SESN2: variants seen among roughly 807,000 people sequenced by gnomAD.
SESN2 encodes sestrin-2.
In SESN2, 42 loss-of-function variants were observed where a neutral mutation model predicts 56.0. The observed-to-expected ratio is 0.75, with a 90% CI of 0.59 to 0.97. The LOEUF is 0.97. Among genes scored for constraint, SESN2 ranks in the 50% least tolerant of loss-of-function variants. The pLI is 0.00. For synonymous variants in SESN2, 264 were observed against 267.1 expected (o/e 0.99, Z 0.11); for missense variants, 507 against 649.4 (o/e 0.78, Z 2.38).
intron 2 of SESN2, among the ~76,000 whole-genome samples, chr1:28,271,365 C>T (rs2149038416): frequency 6.6e-6 from 1 of 152,260 alleles, no homozygotes; most frequent in African/African-American, 2.4e-5. Flanking sequence ...TTTTTCCTAC[C>T]TAAAAGTGGA....
intron 1 of SESN2, among the ~76,000 whole-genome samples, chr1:28,261,779 CTTT>C (rs35935502): frequency 2.3e-3 from 297 of 129,588 alleles, no homozygotes; most frequent in African/African-American, 8.6e-3. Context: ...TTTTTCTTAT[CTTT>C]TTTTTTTTTT....
intron 8 of SESN2, 88 bp downstream of exon 8, chr1:28,275,103 T>C (rs1647984554): frequency 2.2e-6 from 2 of 912,786 alleles, no homozygotes; most frequent in Non-Finnish European, 3.2e-6. Flanking sequence ...TTTTTGTTTT[T>C]TTCTTTTCCT....
chr1:28,276,493 T>C (rs1167591921), intron 8 of SESN2, among the ~76,000 whole-genome samples: 1 of 148,288 alleles, frequency 6.7e-6, no homozygotes, highest in Non-Finnish European at 1.5e-5. Flanking sequence ...AAATACAAAA[T>C]AAAATTTAAA....
chr1:28,267,898 A>G (rs1367196331), intron 1 of SESN2, among the ~76,000 whole-genome samples: 1 of 152,158 alleles, frequency 6.6e-6, no homozygotes, highest in Non-Finnish European at 1.5e-5. Flanking sequence ...ACTAAATGTG[A>G]TCTGGTGTCA....
chr1:28,279,011 T>G, intron 8 of SESN2, 86 bp from the exon 9 acceptor site: 1 of 1,346,710 alleles, frequency 7.4e-7, no homozygotes, highest in Non-Finnish European at 1.1e-6. Flanking sequence ...AACACTCTGT[T>G]CTTCCCTCTG....
chr1:28,280,601 A>G, intron 9 of SESN2, 115 bp from the exon 10 acceptor site: 1 of 780,170 alleles, frequency 1.3e-6, no homozygotes, highest in Non-Finnish European at 2.2e-6. Context: ...ATGCTGGGGC[A>G]GCTCTGTAGG....
At chr1:28,268,763 A>T (rs983929325) in intron 1 of SESN2, among the ~76,000 whole-genome samples, 7 of 152,046 alleles carry the variant, frequency 4.6e-5, no homozygotes, top group Non-Finnish European at 7.4e-5. Flanking sequence ...ACGAACGAAC[A>T]TGTGAGAGAA....
At chr1:28,272,889 A>G in intron 5 of SESN2, 96 bp downstream of exon 5, 3 of 672,418 alleles carry the variant, frequency 4.5e-6, no homozygotes, top group Non-Finnish European at 7.7e-6. Context: ...TATCTGCACT[A>G]CCTGCTGCTA....
intron 1 of SESN2, among the ~76,000 whole-genome samples, chr1:28,264,379 C>A (rs796272241): frequency 6.6e-6 from 1 of 152,070 alleles, no homozygotes; most frequent in African/African-American, 2.4e-5. Flanking sequence ...GGGCCATTAT[C>A]CTCTTTTTAC....
chr1:28,277,996 C>G (rs1178641527), intron 8 of SESN2, among the ~76,000 whole-genome samples: 1 of 152,200 alleles, frequency 6.6e-6, no homozygotes, highest in Non-Finnish European at 1.5e-5. Flanking sequence ...TCCAGCCAGT[C>G]ATTCCTCTGT....
In SESN2 at chr1:28,269,205, G is replaced by C; in HGVS notation, c.113G>C (p.Arg38Pro). Reference sequence around the variant, plus strand: ...CAGGAGCAGAGGGAGAGCCGGGCTCGGCGAGGCCCTCGAGGGCCCAGCGCC... The same window carrying C: ...CAGGAGCAGAGGGAGAGCCGGGCTCCGCGAGGCCCTCGAGGGCCCAGCGCC... ...PGEEQRESRA[R>P]RGPRGPSAFI... is the part of the protein sequence containing the mutation. The change falls in exon 2 of 10, where the codon CGG becomes CCG. Residue 38 changes from arginine to proline, a missense_variant. By Grantham distance (103) the Arg-to-Pro change is moderately radical. Transcript: ENST00000253063. 1.2e-6 allele frequency: 2 copies of C among 1,612,920 alleles called. No individual in the cohort carries two copies. The highest frequency in any genetic ancestry group is 8.5e-7 in the Non-Finnish European group (1 of 1,179,462).
chr1:28,260,590 C>T (rs919662065), intron 1 of SESN2, among the ~76,000 whole-genome samples: 3 of 152,176 alleles, frequency 2.0e-5, no homozygotes, highest in Non-Finnish European at 4.4e-5. Flanking sequence ...ACCCTGGTCG[C>T]GGCTTCCGAA....
intron 1 of SESN2, among the ~76,000 whole-genome samples, 198 bp from the exon 2 acceptor site, chr1:28,268,985 C>T (rs1647660189): frequency 6.6e-6 from 1 of 152,228 alleles, no homozygotes; most frequent in East Asian, 1.9e-4. Context: ...AAGAACTCAG[C>T]CTGGAGTGAG....
At chr1:28,261,730 T>C (rs140578164) in intron 1 of SESN2, among the ~76,000 whole-genome samples, 7 of 152,138 alleles carry the variant, frequency 4.6e-5, no homozygotes, top group African/African-American at 1.7e-4. Context: ...GAAGCCATGT[T>C]TCCTCAGTGG....
intron 6 of SESN2, 92 bp downstream of exon 6, chr1:28,273,600 C>T (rs887298630): frequency 1.4e-5 from 18 of 1,260,796 alleles, no homozygotes; most frequent in Non-Finnish European, 1.8e-5. Flanking sequence ...CCAGAGGCAG[C>T]CACTTCTCAA....
At chr1:28,260,728 G>T (rs751581942) in intron 1 of SESN2, among the ~76,000 whole-genome samples, 1 of 102,914 alleles carries the variant, frequency 9.7e-6, no homozygotes, top group South Asian at 3.4e-4. Context: ...TTCGCATCCC[G>T]GCATAGCCCG....
Position 28,273,433 on chromosome 1 carries a change from G to A in SESN2, c.826G>A (p.Glu276Lys), listed in dbSNP as rs779918408. The change falls in exon 6 of 10, where the codon GAG becomes AAG. Residue 276 changes from glutamate to lysine, a missense_variant. Transcript: ENST00000253063. The part of the protein sequence containing the change: ...QQLQESLLRD[E>K]GTSQEEMESR... The stretch of plus-strand genomic sequence containing the variant: ...GCTGCAGGAGAGCCTGCTGCGGGAT[G>A]AGGGGACGTCCCAGGAGGAGATGGA... The A allele has an allele frequency of 2.5e-6, 4 of 1,611,956 alleles. No homozygotes were observed. Among genetic ancestry groups the A allele is most frequent in the South Asian group, 1.1e-5 (1 of 90,862 alleles).
In SESN2 at chr1:28,274,830, T is replaced by C. The variant is rs773448298; in HGVS notation, c.1026T>C (p.Tyr342=). Residue 342 remains tyrosine, a synonymous_variant, in exon 8 of 10, where the codon TAT becomes TAC. Transcript: ENST00000253063. ...QAPPTFRAQD[Y]TWEDHGYSLI... ...TCCCTTCCCACCTACCTAAGGATTA[T>C]ACCTGGGAAGACCATGGCTACTCGC... The C allele has an allele frequency of 6.2e-7, 1 of 1,612,568 alleles. No individual in the cohort carries two copies.
At chr1:28,272,239 A>T in intron 3 of SESN2, 45 bp from the exon 4 acceptor site, 1 of 1,599,022 alleles carries the variant, frequency 6.3e-7, no homozygotes. Context: ...TGAGCCAGGC[A>T]CAAAAGGAGG....
Sources: allele counts gnomAD v4.1 joint callset (sites outside exome capture counted in the v4.1 genomes callset), GRCh38; gene constraint gnomAD v4.1.1; transcripts MANE v1.5; gene names NCBI Gene and HGNC (gene_info 2026-07-23, HGNC 2026-07-21).